The following NNT variants were observed in gnomAD, a reference collection of about 807,000 sequenced individuals.
NNT encodes the protein NAD(P) transhydrogenase, mitochondrial.
Under a neutral mutation model 104.8 loss-of-function variants are expected in NNT, and 50 were observed. That is an observed-to-expected ratio of 0.48 (90% CI 0.38 to 0.60). The LOEUF (loss-of-function observed/expected upper bound fraction) is 0.60. NNT is among the 20% of genes least tolerant of loss of function. The pLI is 0.00. For missense variants in NNT, 1,131 were observed against 1,330.7 expected (o/e 0.85, Z 2.33); for synonymous variants, 461 against 490.4 (o/e 0.94, Z 0.79).
At chr5:43,674,924 T>C (rs1741333165) in intron 17 of NNT, among the ~76,000 whole-genome samples, 1 of 152,196 alleles carries the variant, frequency 6.6e-6, no homozygotes, top group African/African-American at 2.4e-5. Context: ...GGAAGTGAAA[T>C]ATTTTAGAGT....
intron 17 of NNT, among the ~76,000 whole-genome samples, chr5:43,670,066 C>T (rs1011544491): frequency 6.6e-6 from 1 of 152,160 alleles, no homozygotes. Context: ...GGCTTATTTG[C>T]ATAGAGGTGT....
In NNT at chr5:43,624,173, G is replaced by T. The variant is rs367639736; in HGVS notation, c.776+53G>T. On this transcript the variant is annotated intron_variant, in intron 6 of 21. Transcript: ENST00000344920. ...AAGGTAAAAACATTTTGTTTCAGGG[G>T]CATATTATGATTGCCTTAAAACTTG... 6.6e-6 allele frequency: 10 copies of T among 1,516,672 alleles called. No homozygotes were observed. The East Asian group carries it at 1.6e-4, about 24-fold the overall frequency. 94.0% of individuals were successfully genotyped at this position (1,516,672 alleles called of 1,614,324 possible). A position where few individuals can be genotyped will look rare whatever the true frequency, so the allele number is the denominator to read the frequency against.
intron 11 of NNT, 76 bp downstream of exon 11, chr5:43,649,384 TTTATAAAGTGTG>T (rs1183072477): frequency 6.6e-7 from 1 of 1,507,438 alleles, no homozygotes; most frequent in African/African-American, 1.4e-5. Flanking sequence ...ATCAATGCCG[TTTATAAAGTGTG>T]TTTTCAAGTT....
At chr5:43,700,891 G>A (rs1214596405) in intron 20 of NNT, among the ~76,000 whole-genome samples, 2 of 152,140 alleles carry the variant, frequency 1.3e-5, no homozygotes, top group African/African-American at 2.4e-5. Flanking sequence ...TTGTGTGTAT[G>A]TCTAGATTCA....
In NNT at chr5:43,648,072, C is replaced by A; in HGVS notation, c.1445-1075C>A. Reference sequence around the variant, plus strand: ...AAGAAAACATATTCTTATTCACAACCCTATGCAACTTCTCTAATTTTTAAC... The same window carrying A: ...AAGAAAACATATTCTTATTCACAACACTATGCAACTTCTCTAATTTTTAAC... On this transcript the variant is annotated intron_variant, in intron 10 of 21. Transcript: ENST00000344920. 3.3e-6 allele frequency: 4 copies of A among 1,223,662 alleles called. No homozygotes were observed. In the South Asian group the frequency reaches 5.6e-5, roughly 17 times the overall value. The allele number at this position is 1,223,662 out of a possible 1,614,324, so 75.8% of individuals were successfully genotyped here.
At chr5:43,672,623 C>T (rs1561311090) in intron 17 of NNT, among the ~76,000 whole-genome samples, 1 of 152,204 alleles carries the variant, frequency 6.6e-6, no homozygotes, top group Non-Finnish European at 1.5e-5. Flanking sequence ...AGCAATGTTG[C>T]TGCCTGATCG....
intron 7 of NNT, among the ~76,000 whole-genome samples, chr5:43,629,772 C>G (rs1750580444): frequency 6.6e-6 from 1 of 152,048 alleles, no homozygotes; most frequent in South Asian, 2.1e-4. Context: ...ATTTGTATAT[C>G]TTCTTTTGAT....
intron 17 of NNT, among the ~76,000 whole-genome samples, chr5:43,670,271 G>T (rs576688494): frequency 6.6e-5 from 10 of 151,848 alleles, no homozygotes; most frequent in African/African-American, 2.4e-4. Context: ...TTTTTTGTTT[G>T]ACTATCTCCT....
intron 17 of NNT, among the ~76,000 whole-genome samples, chr5:43,674,718 A>G (rs150148119): frequency 5.6e-4 from 86 of 152,328 alleles, no homozygotes; most frequent in African/African-American, 2.0e-3. Context: ...CCAGAGGTCT[A>G]CAAATGAACT....
chr5:43,619,629 A>T (rs1749964449), intron 5 of NNT, among the ~76,000 whole-genome samples: 1 of 152,218 alleles, frequency 6.6e-6, no homozygotes, highest in Non-Finnish European at 1.5e-5. Context: ...GCAGTTAACG[A>T]TGAGAGGTGA....
Position 43,627,003 on chromosome 5 carries a change from T to C in NNT, c.777-1197T>C, listed in dbSNP as rs553744973. Among the ~76,000 whole-genome samples, 61 of 152,306 alleles carry C rather than the reference T, an allele frequency of 4.0e-4. No individual in the cohort carries two copies. In the South Asian group the frequency reaches 0.012, roughly 31 times the overall value. ...CCACAAATGGAACACCAACTCAGAT[T>C]GGCTTAAACCATTAGAAAATGTATT... On this transcript the variant is annotated intron_variant, in intron 6 of 21. Coordinates refer to ENST00000344920, the MANE Select transcript of NNT (RefSeq NM_182977.3).
At chr5:43,609,455 T>A in intron 2 of NNT, 109 bp downstream of exon 2, 1 of 1,006,916 alleles carries the variant, frequency 9.9e-7, no homozygotes, top group Non-Finnish European at 1.5e-6. Context: ...CTGGTGCTTG[T>A]GAGTGATCAT....
At chr5:43,642,210 G>C (rs922080899) in intron 7 of NNT, among the ~76,000 whole-genome samples, 14 of 152,198 alleles carry the variant, frequency 9.2e-5, no homozygotes, top group African/African-American at 3.4e-4. Context: ...TGGCCCTAGA[G>C]GGTGGGGATG....
chr5:43,626,758 C>G (rs901005121), intron 6 of NNT, among the ~76,000 whole-genome samples: 5 of 149,560 alleles, frequency 3.3e-5, no homozygotes, highest in African/African-American at 1.2e-4. Flanking sequence ...AACTTTAGAA[C>G]AAAATTTGGA....
intron 7 of NNT, among the ~76,000 whole-genome samples, chr5:43,640,968 G>T (rs922595827): frequency 6.6e-6 from 1 of 151,528 alleles, no homozygotes; most frequent in Admixed American, 6.6e-5. Context: ...ATTCCCCAAG[G>T]CTTCCTTTTT....
chr5:43,684,585 C>G (rs748738851), intron 19 of NNT, among the ~76,000 whole-genome samples: 1 of 151,740 alleles, frequency 6.6e-6, no homozygotes, highest in Non-Finnish European at 1.5e-5. Flanking sequence ...TACCATGTTT[C>G]CCTTCGGATG....
chr5:43,671,468 A>T (rs1168684272), intron 17 of NNT, among the ~76,000 whole-genome samples: 2 of 152,124 alleles, frequency 1.3e-5, no homozygotes, highest in East Asian at 1.9e-4. Context: ...AGCTCTTGTA[A>T]GGCAGGCCTG....
Position 43,659,360 on chromosome 5 carries a change from AAC to A in NNT, c.2634+14_2634+15del. ...ATACATCATGTGTGTGGTAAGAAAC[AAC>A]ACATACATGAAACAAAAGGAAATGG... On this transcript the variant is annotated intron_variant, in intron 17 of 21. Coordinates refer to ENST00000344920, the MANE Select transcript of NNT (RefSeq NM_182977.3). 1.3e-6 allele frequency: 2 copies of A among 1,595,410 alleles called. No homozygotes were observed. Among genetic ancestry groups the A allele is most frequent in the Non-Finnish European group, 1.7e-6 (2 of 1,170,904 alleles).
At chr5:43,640,005 A>G (rs1045739539) in intron 7 of NNT, among the ~76,000 whole-genome samples, 1 of 152,066 alleles carries the variant, frequency 6.6e-6, no homozygotes, top group Admixed American at 6.6e-5. Context: ...TAAAATTAAT[A>G]GAAAAGTTAA....
Sources: gnomAD v4.1 joint callset for allele counts (sites outside exome capture counted in the v4.1 genomes callset) on GRCh38, gnomAD v4.1.1 for gene constraint, MANE v1.5 for transcripts, NCBI Gene and HGNC (gene_info 2026-07-23, HGNC 2026-07-21) for gene names.